CDC42SE2: variants seen among roughly 807,000 people sequenced by gnomAD.
CDC42SE2 encodes the protein CDC42 small effector protein 2.
A neutral mutation model predicts 11.5 loss-of-function variants in CDC42SE2; 3 were observed. That is an observed-to-expected ratio of 0.26 (90% confidence interval 0.12 to 0.67). The LOEUF is 0.67. CDC42SE2 is among the 30% of genes least tolerant of loss of function. The pLI is 0.80. For missense variants in CDC42SE2, 82 were observed against 106.8 expected, an observed-to-expected ratio of 0.77 and a Z score of 1.02; for synonymous variants, 33 against 34.8, an observed-to-expected ratio of 0.95 and a Z score of 0.18.
chr5:131,234,058 A>C, the CDC42SE2 span, among the ~76,000 whole-genome samples: 1 of 152,218 alleles, frequency 6.6e-6, no homozygotes, highest in Non-Finnish European at 1.5e-5. Context: ...GCAAGAAAAA[A>C]AAATTCTGTT....
At chr5:131,260,448 C>T (rs1420508833), upstream of CDC42SE2, among the ~76,000 whole-genome samples, 2 of 151,194 alleles carry the variant, frequency 1.3e-5, no homozygotes, top group Non-Finnish European at 2.9e-5. Context: ...CATGGTGAAA[C>T]CCTGTCTCTA....
chr5:131,241,612 T>C (rs1204792039), upstream of CDC42SE2, among the ~76,000 whole-genome samples: 2 of 152,120 alleles, frequency 1.3e-5, no homozygotes, highest in Non-Finnish European at 2.9e-5. Flanking sequence ...GTCTTTCCCC[T>C]TTATTGAGCA....
intron 1 of CDC42SE2, among the ~76,000 whole-genome samples, chr5:131,313,875 C>G (rs867242841): frequency 6.6e-6 from 1 of 151,988 alleles, no homozygotes; most frequent in Non-Finnish European, 1.5e-5. Context: ...TCACCCTGGC[C>G]GTAGTGCAGT....
chr5:131,307,999 T>C (rs999155673), intron 1 of CDC42SE2, among the ~76,000 whole-genome samples: 2 of 152,204 alleles, frequency 1.3e-5, no homozygotes, highest in African/African-American at 4.8e-5. Context: ...TGCGAAAATT[T>C]TCTCCCATTG....
intron 1 of CDC42SE2, among the ~76,000 whole-genome samples, chr5:131,293,349 A>G (rs899700128): frequency 6.6e-6 from 1 of 152,094 alleles, no homozygotes; most frequent in African/African-American, 2.4e-5. Context: ...AGGCAGGCAG[A>G]TCACCTGAGG....
chr5:131,286,447 G>A (rs75063100), intron 1 of CDC42SE2, among the ~76,000 whole-genome samples: 35 of 141,588 alleles, frequency 2.5e-4, no homozygotes, highest in Middle Eastern at 3.9e-3. Context: ...AAGAAGGCAC[G>A]TATAGGGAGT....
chr5:131,263,724 A>C (rs2149687365), upstream of CDC42SE2: 2 of 130,322 alleles, frequency 1.5e-5, no homozygotes, highest in East Asian at 5.2e-4. Flanking sequence ...CCGGGGTGGG[A>C]AGGGGCTCCC....
chr5:131,354,241 AAAAAT>A (rs1309511222), intron 2 of CDC42SE2, among the ~76,000 whole-genome samples: 4 of 152,300 alleles, frequency 2.6e-5, no homozygotes, highest in African/African-American at 4.8e-5. Flanking sequence ...CTGTCTCAAA[AAAAAT>A]AAAATAAAAT....
chr5:131,342,078 G>A (rs1000843101), intron 2 of CDC42SE2, among the ~76,000 whole-genome samples: 1 of 151,720 alleles, frequency 6.6e-6, no homozygotes, highest in Non-Finnish European at 1.5e-5. Context: ...TCAGGAGATC[G>A]AGACCATCCT....
chr5:131,276,040 T>C (rs1757093358), intron 1 of CDC42SE2, among the ~76,000 whole-genome samples: 1 of 152,034 alleles, frequency 6.6e-6, no homozygotes, highest in Admixed American at 6.6e-5. Context: ...AGTTGGGAAA[T>C]GAAAGTGCAA....
intron 1 of CDC42SE2, among the ~76,000 whole-genome samples, chr5:131,276,067 G>T (rs1185145740): frequency 6.6e-6 from 1 of 151,428 alleles, no homozygotes; most frequent in Non-Finnish European, 1.5e-5. Context: ...TTAATGACTT[G>T]TGAAGTTCTG....
Position 131,359,220 on chromosome 5 carries a change from T to C in CDC42SE2, c.-274T>C, listed in dbSNP as rs1224138196. ...TTTTTTTTCCCTAGACTATCTGTTATAGTCCCTGGGTCAAGACAACAATTT... is the reference window on the plus strand; with the variant it reads ...TTTTTTTTCCCTAGACTATCTGTTACAGTCCCTGGGTCAAGACAACAATTT... On this transcript the variant is annotated 5_prime_UTR_variant, in exon 3 of 5. Transcript: ENST00000505065. 7 of 452,444 alleles carry C rather than the reference T, an allele frequency of 1.5e-5. No individual in the cohort carries two copies. Among genetic ancestry groups the C allele is most frequent in the Middle Eastern group, 6.0e-4 (1 of 1,670 alleles). The allele number at this position is 452,444 out of a possible 1,614,324, so 28.0% of individuals were successfully genotyped here.
intron 2 of CDC42SE2, among the ~76,000 whole-genome samples, chr5:131,332,265 G>C (rs548732785): frequency 6.6e-6 from 1 of 152,128 alleles, no homozygotes; most frequent in Non-Finnish European, 1.5e-5. Flanking sequence ...ATGGTTTCCA[G>C]CTTCATCCAT....
chr5:131,220,868 G>A, the CDC42SE2 span, among the ~76,000 whole-genome samples: 2 of 148,752 alleles, frequency 1.3e-5, no homozygotes, highest in East Asian at 3.9e-4. Flanking sequence ...GTCTATAGGA[G>A]TACCTCACCA....
intron 1 of CDC42SE2, among the ~76,000 whole-genome samples, chr5:131,271,996 TTTTTG>T (rs138789202): frequency 3.4e-4 from 51 of 151,832 alleles, no homozygotes; most frequent in Middle Eastern, 3.4e-3. Context: ...TTGCTGGTTG[TTTTTG>T]TTTTGTTTTG....
rs1043311383 is a variant in CDC42SE2, at chr5:131,307,947, C to A, written c.-454-8029C>A. On this transcript the variant is annotated intron_variant, in intron 1 of 4. Transcript: ENST00000505065. ...TTTGCTTGTAAATTTGTTTGAGTTC[C>A]CTGTAGATTCTGGATATTAGCCCTT... Among the ~76,000 whole-genome samples the A allele has an allele frequency of 4.6e-5, 7 of 152,050 alleles. No homozygotes were observed. In the East Asian group the frequency reaches 9.6e-4, roughly 21 times the overall value.
chr5:131,381,380 A>G (rs905038882), intron 3 of CDC42SE2, among the ~76,000 whole-genome samples: 1 of 151,562 alleles, frequency 6.6e-6, no homozygotes, highest in Non-Finnish European at 1.5e-5. Flanking sequence ...CCTGAGTGCA[A>G]TGGCTCGATC....
At chr5:131,321,309 C>G (rs1451571426) in intron 2 of CDC42SE2, among the ~76,000 whole-genome samples, 7 of 152,116 alleles carry the variant, frequency 4.6e-5, no homozygotes, top group African/African-American at 1.7e-4. Context: ...GAAAGATGAC[C>G]TATATCAGTA....
intron 1 of CDC42SE2, among the ~76,000 whole-genome samples, chr5:131,284,249 A>G (rs1171676969): frequency 6.6e-6 from 1 of 152,198 alleles, no homozygotes; most frequent in Non-Finnish European, 1.5e-5. Context: ...AAAGCTTTTT[A>G]TCCAAAAGTA....
Sources: allele counts gnomAD v4.1 joint callset (sites outside exome capture counted in the v4.1 genomes callset), GRCh38; gene constraint gnomAD v4.1.1; transcripts MANE v1.5; gene names NCBI Gene and HGNC (gene_info 2026-07-23, HGNC 2026-07-21).